TSC1: variants seen among roughly 807,000 people sequenced by gnomAD.
TSC1 encodes the protein hamartin.
In TSC1, 20 loss-of-function variants were observed where a neutral mutation model predicts 124.3. The observed-to-expected ratio is 0.16, with a 90% CI of 0.11 to 0.23. The LOEUF is 0.23. Among genes scored for constraint, TSC1 ranks in the 10% least tolerant of loss-of-function variants. TSC1 has a pLI of 1.00. For missense variants in TSC1, 1,124 were observed against 1,448.5 expected (o/e 0.78, Z 3.64); for synonymous variants, 493 against 539.1 (o/e 0.91, Z 1.19).
At chr9:132,916,901 G>A (rs1364042664) in intron 8 of TSC1, among the ~76,000 whole-genome samples, 2 of 151,996 alleles carry the variant, frequency 1.3e-5, no homozygotes, top group African/African-American at 2.4e-5. Flanking sequence ...TCCTGGATTC[G>A]GTCTTCCTCC....
chr9:132,906,601 T>TA lies in TSC1; in HGVS notation c.1438+129dup. 1.3e-6 allele frequency: 1 copy of TA among 752,550 alleles called. No individual in the cohort carries two copies. Among genetic ancestry groups the TA allele is most frequent in the Non-Finnish European group, 2.3e-6 (1 of 439,220 alleles). 46.6% of individuals were successfully genotyped at this position (752,550 alleles called of 1,614,324 possible). A position where few individuals can be genotyped will look rare whatever the true frequency, so the allele number is the denominator to read the frequency against. Reference sequence around the variant, plus strand: ...ACTTTACCTGGCATAGGTCCCAGACTAAACCACCCATCTTGTTACCTCAAG... The same window carrying TA: ...ACTTTACCTGGCATAGGTCCCAGACTAAAACCACCCATCTTGTTACCTCAAG... On this transcript the variant is annotated intron_variant, in intron 14 of 22. Coordinates refer to ENST00000298552, the MANE Select transcript of TSC1 (RefSeq NM_000368.5). This position sits in a 1 kb window ranked among gnomAD's most constrained non-coding sequence, Gnocchi z 4.1.
intron 1 of TSC1, among the ~76,000 whole-genome samples, chr9:132,939,491 T>C (rs973099871): frequency 1.3e-5 from 2 of 152,214 alleles, no homozygotes; most frequent in Non-Finnish European, 2.9e-5. Context: ...GATGGTTTGC[T>C]AAAGCTTATA....
chr9:132,907,343 A>G lies in TSC1; in HGVS notation c.1291T>C (p.Cys431Arg), dbSNP rs762688935. ...KEERMDSARP[C>R]LHRQHHLLND... ...AGAAGATGGTGTTGTCTGTGTAGAC[A>G]TGGTCTTGCAGAATCCATTCTCTCT... Residue 431 changes from cysteine (C) to arginine (R), a missense_variant, in exon 13 of 23, where the codon TGT (cysteine) becomes CGT (arginine). Cys to Arg is a radical substitution (Grantham distance 180). This residue lies in a region of TSC1 where 463 missense variants were observed against 606.8 expected (regional missense o/e 0.76). Coordinates refer to ENST00000298552, the MANE Select transcript of TSC1 (RefSeq NM_000368.5). 3.2e-5 allele frequency: 52 copies of G among 1,614,120 alleles called. No individual in the cohort carries two copies. The highest frequency in any genetic ancestry group is 4.4e-5 in the Non-Finnish European group (52 of 1,179,976).
intron 15 of TSC1, among the ~76,000 whole-genome samples, chr9:132,905,316 T>C (rs1845592630): frequency 6.6e-6 from 1 of 152,224 alleles, no homozygotes; most frequent in Non-Finnish European, 1.5e-5. Context: ...AGTGTCCTCA[T>C]AGAACAGAGG....
rs143082891 is a variant in TSC1 at position 132,943,402 on chromosome 9, C to T, written c.-144+1141G>A. On this transcript the variant is annotated intron_variant, in intron 1 of 22. Transcript: ENST00000298552. ...AGGCGGATAAGCCAAGTGCATCCCC[C>T]CACTTCAACATTAAACAGACACACG... The T allele has an allele frequency of 2.0e-5, 3 of 152,306 alleles. No homozygotes were observed. In the East Asian group the frequency reaches 5.8e-4, roughly 29 times the overall value. The allele number at this position is 152,306 out of a possible 1,614,324, so 9.4% of individuals were successfully genotyped here.
chr9:132,925,835 G>T (rs912109965), intron 4 of TSC1, 96 bp from the exon 5 acceptor site: 14 of 1,484,136 alleles, frequency 9.4e-6, no homozygotes, highest in Middle Eastern at 3.4e-4. Context: ...CTCAAGTCTT[G>T]TCTCTAATGT....
rs1845120600 is a variant in TSC1, at chr9:132,897,227, GT to G, written c.2931del (p.Lys977AsnfsTer29). 2 of 1,614,076 alleles carry G rather than the reference GT, an allele frequency of 1.2e-6. No homozygotes were observed. The highest frequency in any genetic ancestry group is 1.7e-6 in the Non-Finnish European group (2 of 1,180,016). On this transcript the variant is annotated frameshift_variant, in exon 22 of 23. Coordinates refer to ENST00000298552, the MANE Select transcript of TSC1 (RefSeq NM_000368.5). LOFTEE classifies it high-confidence loss of function. ...GCTGCTTCTGCTTTTTCTTCTTCAAGTTTTTTCAGGAGGCCATCTTTCTCCA... is the reference window on the plus strand; with the variant it reads ...GCTGCTTCTGCTTTTTCTTCTTCAAGTTTTTCAGGAGGCCATCTTTCTCCA... ...GRLEKDGLLK[K>X]LEEEKAEAAE...
At chr9:132,925,552 A>C in intron 5 of TSC1, 35 bp downstream of exon 5, 3 of 1,613,822 alleles carry the variant, frequency 1.9e-6, no homozygotes, top group Non-Finnish European at 2.5e-6. Flanking sequence ...TATACTCATA[A>C]AACCATTTCA....
rs374056781 is a variant in TSC1 at position 132,921,458 on chromosome 9, A to G, written c.664-22T>C. On this transcript the variant is annotated intron_variant, in intron 7 of 22. Transcript: ENST00000298552. The surrounding 1 kb of genome is among the most constrained non-coding windows in gnomAD (Gnocchi z 4.3). The stretch of plus-strand genomic sequence containing the variant: ...TTGGCTAGAAGAGTTGGGTTGACAA[A>G]TTATAAAGGGCTGAATGTTTGTGGA... 1 of 1,613,520 alleles carries G rather than the reference A, an allele frequency of 6.2e-7. No individual in the cohort carries two copies. The highest frequency in any genetic ancestry group is 8.5e-7 in the Non-Finnish European group (1 of 1,179,462).
chr9:132,944,321 G>GC (rs1847937242), intron 1 of TSC1, among the ~76,000 whole-genome samples: 1 of 152,010 alleles, frequency 6.6e-6, no homozygotes, highest in African/African-American at 2.4e-5. Flanking sequence ...CGTCCGGCTC[G>GC]CCTCTCCTCC....
In TSC1 at chr9:132,904,836, C is replaced by A. The variant is rs151107124; in HGVS notation, c.1998-382G>T. On this transcript the variant is annotated intron_variant, in intron 15 of 22. Transcript: ENST00000298552. ...TTTCAACCCTGTCTGTTGAAATATA[C>A]AGGGAGTACACTCTGTTGTAAAGCT... Among the ~76,000 whole-genome samples the A allele has an allele frequency of 6.6e-4, 100 of 152,284 alleles. No individual in the cohort carries two copies. The East Asian group carries it at 0.019, about 28-fold the overall frequency.
At position 132,896,093 on chromosome 9, in the gene TSC1, C is replaced by T. The variant is rs1006486705; in HGVS notation, c.*142G>A. 7.1e-6 allele frequency: 9 copies of T among 1,266,594 alleles called. No individual in the cohort carries two copies. The highest frequency in any genetic ancestry group is 1.0e-5 in the Non-Finnish European group (9 of 883,664). 78.5% of individuals were successfully genotyped at this position (1,266,594 alleles called of 1,614,324 possible). ...ATCCAAAAACCGTTCTGCATTCAGTCAGCTGTCCAAAGGACCTCCGTCCCA... is the reference window on the plus strand; with the variant it reads ...ATCCAAAAACCGTTCTGCATTCAGTTAGCTGTCCAAAGGACCTCCGTCCCA... On this transcript the variant is annotated 3_prime_UTR_variant, in exon 23 of 23. Coordinates refer to ENST00000298552, the MANE Select transcript of TSC1 (RefSeq NM_000368.5). The surrounding 1 kb of genome is among the most constrained non-coding windows in gnomAD (Gnocchi z 4.5).
chr9:132,906,657 T>C lies in TSC1; in HGVS notation c.1438+74A>G. On this transcript the variant is annotated intron_variant, in intron 14 of 22. Coordinates refer to ENST00000298552, the MANE Select transcript of TSC1 (RefSeq NM_000368.5). This position sits in a 1 kb window ranked among gnomAD's most constrained non-coding sequence, Gnocchi z 4.1. ...AAAAATCCAGCAAGCCTGTGAGCAA[T>C]GGCACAAAATCCCAGATTTATAGCA... 7.7e-7 allele frequency: 1 copy of C among 1,304,218 alleles called. No individual in the cohort carries two copies. The highest frequency in any genetic ancestry group is 1.1e-6 in the Non-Finnish European group (1 of 920,464). The allele number at this position is 1,304,218 out of a possible 1,614,324, so 80.8% of individuals were successfully genotyped here.
rs780394011 is a variant in TSC1 at position 132,900,798 on chromosome 9, A to G, written c.2542T>C (p.Leu848=). The G allele has an allele frequency of 8.7e-6, 14 of 1,614,084 alleles. No homozygotes were observed. The South Asian group carries it at 1.5e-4, about 18-fold the overall frequency. ...CCAAGAACCAACAGCTGCCTGTTCA[A>G]GAACTCCATCTGCTGCTGGACCGAC... ...SESVQQQMEF[L]NRQLLVLGEV... Residue 848 remains leucine, a synonymous_variant, in exon 20 of 23, where the codon TTG becomes CTG. Coordinates refer to ENST00000298552, the MANE Select transcript of TSC1 (RefSeq NM_000368.5).
At chr9:132,944,915 G>A (rs1848006612), upstream of TSC1, 1 of 267,740 alleles carries the variant, frequency 3.7e-6, no homozygotes, top group Non-Finnish European at 7.0e-6. Context: ...GGCGGGAGGA[G>A]CCACGCGAGA....
rs1478195565 is a variant in TSC1, at chr9:132,906,189, G to A, written c.1439-50C>T. 1 of 1,578,888 alleles carries A rather than the reference G, an allele frequency of 6.3e-7. No individual in the cohort carries two copies. The highest frequency in any genetic ancestry group is 2.3e-5 in the East Asian group (1 of 44,194). ...GAAATGGCAGTCGGTATTCCACCTG[G>A]GAAAGACTAGGCAGTTTGGGTGGCA... is the stretch of plus-strand genomic sequence containing the variant. On this transcript the variant is annotated intron_variant, in intron 14 of 22. Transcript: ENST00000298552. The surrounding 1 kb of genome is among the most constrained non-coding windows in gnomAD (Gnocchi z 4.1).
At chr9:132,904,294 G>A (rs556444856) in intron 16 of TSC1, 117 bp downstream of exon 16, 37 of 1,139,220 alleles carry the variant, frequency 3.2e-5, no homozygotes, top group African/African-American at 2.1e-4. Context: ...TAGCCTGGCC[G>A]GAGCAATAGC....
chr9:132,913,249 T>A (rs1011816749), intron 8 of TSC1, among the ~76,000 whole-genome samples: 8 of 152,210 alleles, frequency 5.3e-5, no homozygotes, highest in African/African-American at 1.7e-4. Context: ...GGCATGATTT[T>A]TTAAATCAAC....
In TSC1 at chr9:132,903,257, T is replaced by C. The variant is rs115892772; in HGVS notation, c.2208+394A>G. Among the ~76,000 whole-genome samples, 58 of 152,344 alleles carry C rather than the reference T, an allele frequency of 3.8e-4. No homozygotes were observed. The highest frequency in any genetic ancestry group is 1.2e-3 in the African/African-American group (51 of 41,588). On this transcript the variant is annotated intron_variant, in intron 17 of 22. Transcript: ENST00000298552. This position sits in a 1 kb window ranked among gnomAD's most constrained non-coding sequence, Gnocchi z 5.9. ...AGAGGCTTCAAGAGGCCACGTTACT[T>C]TTCTAAGGTAACACTGGTAGAGCCA...
Sources: gnomAD v4.1 joint callset for allele counts (sites outside exome capture counted in the v4.1 genomes callset) on GRCh38, gnomAD v4.1.1 for gene constraint, gnomAD v4.1.1 regional missense constraint, Gnocchi (gnomAD v3.1) non-coding constraint, MANE v1.5 for transcripts, NCBI Gene and HGNC (gene_info 2026-07-23, HGNC 2026-07-21) for gene names.